Variants in DCUN1D4 observed in about 807,000 individuals in gnomAD.
DCUN1D4 encodes the protein DCN1-like protein 4.
DCUN1D4 carries 22 observed loss-of-function variants against 47.9 expected under a neutral mutation model. The ratio of observed to expected loss-of-function variants is 0.46; its 90% CI spans 0.33 to 0.66. The LOEUF (loss-of-function observed/expected upper bound fraction) is 0.66, where lower values mean the gene tolerates loss of function less well. DCUN1D4 is among the 30% of genes least tolerant of loss of function. DCUN1D4 has a pLI of 0.02. For missense variants in DCUN1D4, 301 were observed against 340.8 expected (o/e 0.88, Z 0.92); for synonymous variants, 121 against 112.2 (o/e 1.08, Z -0.50).
At position 51,874,325 on chromosome 4, in the gene DCUN1D4, G is replaced by A; in HGVS notation, c.191G>A (p.Arg64Lys). The change falls in exon 4 of 11, where the codon AGG becomes AAG. Residue 64 changes from arginine (R) to lysine (K), a missense_variant. Arg to Lys is a conservative substitution (Grantham distance 26). Transcript: ENST00000334635. Reference sequence around the variant, plus strand: ...TGCTTTAATAAAGTGATGCCACCAAGGAAAAAGAGAAGACCTGCCTCTGGA... The same window carrying A: ...TGCTTTAATAAAGTGATGCCACCAAAGAAAAAGAGAAGACCTGCCTCTGGA... ...SDCFNKVMPP[R>K]KKRRPASGDD... 1.2e-6 allele frequency: 2 copies of A among 1,613,696 alleles called. No individual in the cohort carries two copies. The highest frequency in any genetic ancestry group is 1.7e-6 in the Non-Finnish European group (2 of 1,179,874).
upstream of DCUN1D4, among the ~76,000 whole-genome samples, chr4:51,839,159 GAAGGAGAAGGAAGGAAGGAAGA>G (rs1721567665): frequency 6.7e-6 from 1 of 148,484 alleles, no homozygotes; most frequent in Non-Finnish European, 1.5e-5. Context: ...AGGAAGGAAG[GAAGGAGAAGGAAGGAAGGAAGA>G]AAGGAGAAGG....
At chr4:51,847,143 G>A (rs779585395) in intron 1 of DCUN1D4, among the ~76,000 whole-genome samples, 1 of 152,146 alleles carries the variant, frequency 6.6e-6, no homozygotes, top group Non-Finnish European at 1.5e-5. Context: ...AGAAGAATGC[G>A]CTGGGTTGGC....
At chr4:51,863,840 T>G (rs1725474372) in intron 3 of DCUN1D4, 131 bp downstream of exon 3, 2 of 967,040 alleles carry the variant, frequency 2.1e-6, no homozygotes, top group Non-Finnish European at 3.0e-6. Flanking sequence ...CTGAGGTTGT[T>G]TTTCAGGGAG....
rs140179536 is a variant in DCUN1D4 at position 51,863,689 on chromosome 4, G to T, written c.116G>T (p.Gly39Val). Reference sequence around the variant, plus strand: ...TTTCAGAACCTAACAGAAGACATTGGCCAAGACGATCACCAAACAGGTATC... The same window carrying T: ...TTTCAGAACCTAACAGAAGACATTGTCCAAGACGATCACCAAACAGGTATC... ...LNKLNLTEDI[G>V]QDDHQTGSLR... is the part of the protein sequence containing the mutation. The change falls in exon 3 of 11, where the codon GGC becomes GTC. Residue 39 changes from glycine to valine, a missense_variant. Transcript: ENST00000334635. 8.2e-5 allele frequency: 133 copies of T among 1,613,464 alleles called. 1 individual carries two copies. The African/African-American group carries it at 1.5e-3, about 19-fold the overall frequency.
At chr4:51,905,401 G>A (rs1445818082) in intron 8 of DCUN1D4, 1 of 245,640 alleles carries the variant, frequency 4.1e-6, no homozygotes, top group African/African-American at 2.2e-5. Context: ...GAAGAAGACG[G>A]TGGAATATAC....
chr4:51,867,973 G>T (rs1205477724), intron 3 of DCUN1D4, among the ~76,000 whole-genome samples: 2 of 152,254 alleles, frequency 1.3e-5, no homozygotes, highest in Non-Finnish European at 2.9e-5. Flanking sequence ...TCCCCCTCGT[G>T]CTTGTTGGTG....
intron 1 of DCUN1D4, among the ~76,000 whole-genome samples, chr4:51,845,463 A>G (rs1275643669): frequency 6.6e-6 from 1 of 152,212 alleles, no homozygotes; most frequent in African/African-American, 2.4e-5. Flanking sequence ...GAGAACCATA[A>G]GACTTTTTTT....
At chr4:51,904,053 G>A (rs965822669) in intron 8 of DCUN1D4, among the ~76,000 whole-genome samples, 6 of 151,176 alleles carry the variant, frequency 4.0e-5, no homozygotes, top group Non-Finnish European at 7.4e-5. Context: ...TTTTTTAATT[G>A]GAGCTGGATA....
At chr4:51,850,658 G>A (rs1463916597) in intron 1 of DCUN1D4, among the ~76,000 whole-genome samples, 1 of 152,118 alleles carries the variant, frequency 6.6e-6, no homozygotes, top group Non-Finnish European at 1.5e-5. Flanking sequence ...AGGGGAGGGG[G>A]CAGATAGTAA....
At chr4:51,913,173 C>G in intron 9 of DCUN1D4, 117 bp from the exon 10 acceptor site, 1 of 615,556 alleles carries the variant, frequency 1.6e-6, no homozygotes, top group African/African-American at 1.9e-5. Flanking sequence ...TAACAAACCT[C>G]AAACAGAAAG....
intron 3 of DCUN1D4, among the ~76,000 whole-genome samples, chr4:51,864,536 T>A (rs1725594937): frequency 6.6e-6 from 1 of 152,236 alleles, no homozygotes; most frequent in Non-Finnish European, 1.5e-5. Flanking sequence ...TGATTGTTCA[T>A]GGTTCTGGAG....
At chr4:51,896,803 T>C (rs1161077954) in intron 7 of DCUN1D4, among the ~76,000 whole-genome samples, 1 of 152,178 alleles carries the variant, frequency 6.6e-6, no homozygotes, top group African/African-American at 2.4e-5. Flanking sequence ...AAGAGTGAGC[T>C]TGTCAAGATG....
chr4:51,846,741 G>T (rs1722610882), intron 1 of DCUN1D4, among the ~76,000 whole-genome samples: 1 of 152,182 alleles, frequency 6.6e-6, no homozygotes, highest in African/African-American at 2.4e-5. Flanking sequence ...TTGTTCGGTA[G>T]CAAGAAACCT....
chr4:51,840,367 G>A (rs1199873156), upstream of DCUN1D4, among the ~76,000 whole-genome samples: 2 of 152,202 alleles, frequency 1.3e-5, no homozygotes, highest in Non-Finnish European at 2.9e-5. Context: ...TATTAGATTG[G>A]CATAGTAACT....
chr4:51,897,636 A>G (rs911571706), intron 7 of DCUN1D4, among the ~76,000 whole-genome samples: 3 of 151,954 alleles, frequency 2.0e-5, no homozygotes, highest in African/African-American at 7.3e-5. Context: ...CTTACTGGTA[A>G]AAACAGGTTA....
At chr4:51,836,215 G>A in the DCUN1D4 span, among the ~76,000 whole-genome samples, 2 of 152,146 alleles carry the variant, frequency 1.3e-5, no homozygotes, top group East Asian at 3.9e-4. Context: ...GGAGCTGGTG[G>A]GGTAGCATGA....
chr4:51,909,871 T>G (rs191903414), intron 8 of DCUN1D4, among the ~76,000 whole-genome samples: 122 of 152,302 alleles, frequency 8.0e-4, no homozygotes, highest in African/African-American at 2.9e-3. Context: ...TTCATCTACC[T>G]TGATTGTTGT....
At chr4:51,906,091 G>A (rs557226474) in intron 8 of DCUN1D4, among the ~76,000 whole-genome samples, 6 of 152,130 alleles carry the variant, frequency 3.9e-5, no homozygotes, top group African/African-American at 7.2e-5. Flanking sequence ...TAAAGAAGTC[G>A]AATGAAGAGT....
At chr4:51,851,780 C>A (rs920996817) in intron 1 of DCUN1D4, among the ~76,000 whole-genome samples, 1 of 152,162 alleles carries the variant, frequency 6.6e-6, no homozygotes, top group African/African-American at 2.4e-5. Flanking sequence ...CTCACAGCAA[C>A]CCTCAATAAG....
Sources: gnomAD v4.1 joint callset for allele counts (sites outside exome capture counted in the v4.1 genomes callset) on GRCh38, gnomAD v4.1.1 for gene constraint, MANE v1.5 for transcripts, NCBI Gene and HGNC (gene_info 2026-07-23, HGNC 2026-07-21) for gene names.